HERC2: variants seen among roughly 807,000 people sequenced by gnomAD.
HERC2 encodes HECT and RLD domain containing E3 ubiquitin protein ligase 2.
Under a neutral mutation model 537.7 loss-of-function variants are expected in HERC2, and 102 were observed. That is an observed-to-expected ratio of 0.19 (90% confidence interval 0.16 to 0.22). The LOEUF (loss-of-function observed/expected upper bound fraction) is 0.22, where lower values mean the gene tolerates loss of function less well. Ranked by LOEUF, HERC2 falls within the 10% of genes least tolerant of loss-of-function variation. The pLI, the probability that HERC2 is intolerant of heterozygous loss-of-function variation, is 1.00. For synonymous variants in HERC2, 2,224 were observed against 2,466.2 expected (o/e 0.90, Z 2.91); for missense variants, 4,236 against 6,198.2 (o/e 0.68, Z 10.63).
intron 44 of HERC2, among the ~76,000 whole-genome samples, chr15:28,207,125 G>A (rs948271422): frequency 1.1e-4 from 16 of 145,822 alleles, no homozygotes; most frequent in Non-Finnish European, 1.3e-4. Flanking sequence ...CCAGATTTCT[G>A]CACTTGGTCT....
intron 39 of HERC2, 91 bp from the exon 40 acceptor site, chr15:28,214,893 G>A: frequency 7.0e-6 from 8 of 1,140,458 alleles, no homozygotes; most frequent in South Asian, 4.6e-5. Flanking sequence ...ATTTTTTTGA[G>A]ACAGAGTCTC....
chr15:28,166,645 G>A (rs1894166106), intron 68 of HERC2, among the ~76,000 whole-genome samples: 1 of 152,112 alleles, frequency 6.6e-6, no homozygotes, highest in Admixed American at 6.5e-5. Context: ...TGAAGGAAGA[G>A]CCCTAAAAAT....
chr15:28,278,132 C>T (rs1335880168), intron 5 of HERC2, among the ~76,000 whole-genome samples: 1 of 151,920 alleles, frequency 6.6e-6, no homozygotes, highest in Non-Finnish European at 1.5e-5. Flanking sequence ...TATGGTGGCT[C>T]ATGCTTGTAA....
chr15:28,163,974 GC>G (rs1206381970), intron 68 of HERC2, among the ~76,000 whole-genome samples: 1 of 152,084 alleles, frequency 6.6e-6, no homozygotes, highest in African/African-American at 2.4e-5. Context: ...CAGGATGGCC[GC>G]CCCCACCCTG....
intron 75 of HERC2, 97 bp downstream of exon 75, chr15:28,142,730 C>G (rs1483068730): frequency 3.6e-6 from 5 of 1,387,934 alleles, no homozygotes; most frequent in Non-Finnish European, 4.9e-6. Context: ...CAGCTGCCCT[C>G]AGAGGCCTAA....
rs1272022349 is a variant in HERC2 at position 28,132,280 on chromosome 15, T to G, written c.12409-19A>C. 1.3e-6 allele frequency: 2 copies of G among 1,593,740 alleles called. No homozygotes were observed. Among genetic ancestry groups the G allele is most frequent in the Non-Finnish European group, 1.7e-6 (2 of 1,166,554 alleles). On this transcript the variant is annotated intron_variant, in intron 80 of 92. Transcript: ENST00000261609. ...CCTCCACCTTCAGAGAAAAGGGACT[T>G]GGGTTGGCCAAGCACAACACAAGAA...
At chr15:28,229,430 A>G (rs757903204) in intron 33 of HERC2, 30 bp downstream of exon 33, 1 of 1,613,556 alleles carries the variant, frequency 6.2e-7, no homozygotes, top group South Asian at 1.1e-5. Context: ...TAGCTACCTT[A>G]ATTAAGAAAA....
At chr15:28,228,097 A>C (rs1253021133) in intron 35 of HERC2, 121 bp downstream of exon 35, 8 of 872,066 alleles carry the variant, frequency 9.2e-6, no homozygotes, top group Non-Finnish European at 1.2e-5. Context: ...TACACTTCCT[A>C]TTTGTGTCTT....
chr15:28,172,976 T>A (rs1237884783), intron 65 of HERC2, among the ~76,000 whole-genome samples: 1 of 152,220 alleles, frequency 6.6e-6, no homozygotes, highest in Non-Finnish European at 1.5e-5. Context: ...AAAAAAGGTA[T>A]CTGATTCGTA....
At position 28,229,577 on chromosome 15, in the gene HERC2, C is replaced by T. The variant is rs1331443555; in HGVS notation, c.5003G>A (p.Arg1668His). The change falls in exon 33 of 93, where the codon CGC becomes CAC. Residue 1668 changes from arginine (R) to histidine (H), a missense_variant. Arg to His is a conservative substitution (Grantham distance 29). Transcript: ENST00000261609. Reference sequence around the variant, plus strand: ...TAAAATTGTATCTATCCCTTCCAGGCGAACCTCTGCTCTCTCCAACTGCAA... The same window carrying T: ...TAAAATTGTATCTATCCCTTCCAGGTGAACCTCTGCTCTCTCCAACTGCAA... ...LLKQLERAEV[R>H]LEGIDTILKL... The T allele has an allele frequency of 1.9e-6, 3 of 1,612,392 alleles. No individual in the cohort carries two copies.
rs1212673661 is a variant in HERC2 at position 28,146,757 on chromosome 15, G to A, written c.10901-413C>T. Among the ~76,000 whole-genome samples the A allele has an allele frequency of 4.1e-5, 6 of 147,968 alleles. No individual in the cohort carries two copies. The East Asian group carries it at 5.8e-4, about 14-fold the overall frequency. Reference sequence around the variant, plus strand: ...GGTGAGGAGCACCTCAACTTCTGGCGTGTCCAGAGAACTGGAGAACCGCTT... The same window carrying A: ...GGTGAGGAGCACCTCAACTTCTGGCATGTCCAGAGAACTGGAGAACCGCTT... On this transcript the variant is annotated intron_variant, in intron 70 of 92. Transcript: ENST00000261609.
rs150922267 is a variant in HERC2, at chr15:28,285,139, T to C, written c.323-4852A>G. ...AGTCTCTCTCTACAGCTGATAAAAT[T>C]AGAAGACAGAAAAGCTGCCAAGATA... is the stretch of plus-strand genomic sequence containing the variant. On this transcript the variant is annotated intron_variant, in intron 4 of 92. Transcript: ENST00000261609. Among the ~76,000 whole-genome samples the C allele has an allele frequency of 3.7e-4, 56 of 152,204 alleles. No individual in the cohort carries two copies. In the East Asian group the frequency reaches 7.0e-3, roughly 19 times the overall value.
At chr15:28,261,038 T>C (rs2075402736) in intron 15 of HERC2, 68 bp from the exon 16 acceptor site, 1 of 1,234,642 alleles carries the variant, frequency 8.1e-7, no homozygotes, top group South Asian at 1.4e-5. Flanking sequence ...AGATATTTCC[T>C]AGGCCATTCA....
intron 89 of HERC2, among the ~76,000 whole-genome samples, chr15:28,115,087 C>T (rs1329712819): frequency 1.3e-5 from 2 of 151,788 alleles, no homozygotes; most frequent in Admixed American, 6.6e-5. Flanking sequence ...AGCCGAGGCA[C>T]AACACAGCCA....
chr15:28,212,323 T>C lies in HERC2; in HGVS notation c.6925+122A>G, dbSNP rs535169061. The C allele has an allele frequency of 9.9e-6, 7 of 710,406 alleles. No individual in the cohort carries two copies. The East Asian group carries it at 1.7e-4, about 18-fold the overall frequency. The allele number at this position is 710,406 out of a possible 1,614,324, so 44.0% of individuals were successfully genotyped here. On this transcript the variant is annotated intron_variant, in intron 43 of 92. Transcript: ENST00000261609. ...ACATTCCCAACCGCAACTCAACAAA[T>C]GGTGAGCCCACGTGAACCCCAGGAC...
chr15:28,274,308 G>A lies in HERC2; in HGVS notation c.783C>T (p.Leu261=), dbSNP rs1272849673. 1.9e-6 allele frequency: 3 copies of A among 1,614,114 alleles called. No individual in the cohort carries two copies. The highest frequency in any genetic ancestry group is 2.5e-6 in the Non-Finnish European group (3 of 1,180,040). ...LEVVERATRF[L]RSVVTGDVHG... is the part of the protein sequence containing the mutation. ...GAACTCACCCCGTCACGACGGACCT[G>A]AGGAACCTGGTCGCTCTCTCCACCA... The change falls in exon 7 of 93, where the codon CTC becomes CTT. Residue 261 remains leucine, a synonymous_variant. Coordinates refer to ENST00000261609, the MANE Select transcript of HERC2 (RefSeq NM_004667.6).
chr15:28,275,493 C>G (rs1305377971), intron 5 of HERC2, among the ~76,000 whole-genome samples: 1 of 152,206 alleles, frequency 6.6e-6, no homozygotes, highest in Non-Finnish European at 1.5e-5. Context: ...TGGGGCATTG[C>G]CCTCTTCTGA....
Position 28,202,427 on chromosome 15 carries a change from T to G in HERC2, c.7400A>C (p.Glu2467Ala). Residue 2467 changes from glutamate (E) to alanine (A), a missense_variant, in exon 46 of 93, where the codon GAG becomes GCG. This residue lies in a region of HERC2 where 606 missense variants were observed against 884.5 expected (regional missense o/e 0.69). Coordinates refer to ENST00000261609, the MANE Select transcript of HERC2 (RefSeq NM_004667.6). ...GATGTTCCTTCTGGAAAATCCCATCTCCATGAGCTGCACCACGATCGGCAG... is the reference window on the plus strand; with the variant it reads ...GATGTTCCTTCTGGAAAATCCCATCGCCATGAGCTGCACCACGATCGGCAG... Reference protein sequence around the residue: ...PALPIVVQLMEMGFSRRNIEF... With the variant: ...PALPIVVQLMAMGFSRRNIEF... The G allele has an allele frequency of 6.4e-7, 1 of 1,566,764 alleles. No homozygotes were observed. The highest frequency in any genetic ancestry group is 1.1e-5 in the South Asian group (1 of 88,124).
rs776884562 is a variant in HERC2, at chr15:28,146,357, C to T, written c.10901-13G>A. On this transcript the variant is annotated splice_polypyrimidine_tract_variant and intron_variant, in intron 70 of 92. Transcript: ENST00000261609. ...AGTCCTTCTGCACCTGAAGGACAGG[C>T]AAGCACAAAACATAGCAACCACTCC... 4 of 1,592,308 alleles carry T rather than the reference C, an allele frequency of 2.5e-6. No homozygotes were observed. Among genetic ancestry groups the T allele is most frequent in the Non-Finnish European group, 2.6e-6 (3 of 1,160,286 alleles).
Sources: allele counts gnomAD v4.1 joint callset (sites outside exome capture counted in the v4.1 genomes callset), GRCh38; gene constraint gnomAD v4.1.1; regional missense constraint gnomAD v4.1.1; transcripts MANE v1.5; gene names NCBI Gene and HGNC (gene_info 2026-07-23, HGNC 2026-07-21).